LRP1B: variants seen among roughly 807,000 people sequenced by gnomAD.
The protein encoded by LRP1B is LDL receptor related protein 1B.
LRP1B carries 217 observed loss-of-function variants against 556.6 expected under a neutral mutation model. The ratio of observed to expected loss-of-function variants is 0.39; its 90% CI spans 0.35 to 0.44. LRP1B has a LOEUF of 0.44. Ranked by LOEUF, LRP1B falls within the 20% of genes least tolerant of loss-of-function variation. LRP1B has a pLI of 1.00. For synonymous variants in LRP1B, 2,047 were observed against 1,865.8 expected, an observed-to-expected ratio of 1.10 and a Z score of -2.50; for missense variants, 5,053 against 5,620.8, an observed-to-expected ratio of 0.90 and a Z score of 3.23.
rs576593298 is a variant in LRP1B at position 141,360,757 on chromosome 2, T to C, written c.344-106116A>G. Among the ~76,000 whole-genome samples, 6 of 152,316 alleles carry C rather than the reference T, an allele frequency of 3.9e-5. No individual in the cohort carries two copies. In the South Asian group the frequency reaches 1.2e-3, roughly 32 times the overall value. Reference sequence around the variant, plus strand: ...TGCAATGTCTACATACACTGTAGTATGCACATTTAAATATCACTTTCATTC... The same window carrying C: ...TGCAATGTCTACATACACTGTAGTACGCACATTTAAATATCACTTTCATTC... On this transcript the variant is annotated intron_variant, in intron 3 of 90. Transcript: ENST00000389484.
At chr2:140,444,103 T>G (rs150886007) in intron 65 of LRP1B, among the ~76,000 whole-genome samples, 6,530 of 152,278 alleles carry the variant, frequency 0.043, 234 homozygotes, top group Non-Finnish European at 0.055. Flanking sequence ...TTGTTCATGT[T>G]TGTCATAATT....
At chr2:141,340,874 A>C (rs1358696656) in intron 3 of LRP1B, among the ~76,000 whole-genome samples, 1 of 152,212 alleles carries the variant, frequency 6.6e-6, no homozygotes, top group Non-Finnish European at 1.5e-5. Context: ...AACAATCAGG[A>C]ACTTTAAAAA....
rs756363545 is a variant in LRP1B, at chr2:140,502,966, C to T, written c.8659G>A (p.Ala2887Thr). Residue 2887 changes from alanine (A) to threonine (T), a missense_variant, in exon 54 of 91, where the codon GCA becomes ACA. By Grantham distance (58) the Ala-to-Thr change is moderately conservative (BLOSUM62 0). This residue lies in a region of LRP1B where 3,619 missense variants were observed against 3,931.9 expected (regional missense o/e 0.92). Transcript: ENST00000389484. ...EAPLNPKCKS[A>T]EQSCNSSFFM... ...GGTATTGTATATATTTCTGTACCTG[C>T]ACTTTTACACTTTGGGTTTAAAGGT... 2 of 1,612,828 alleles carry T rather than the reference C, an allele frequency of 1.2e-6. No individual in the cohort carries two copies. The highest frequency in any genetic ancestry group is 1.3e-5 in the African/African-American group (1 of 74,986).
At chr2:140,492,434 G>A (rs1025262148) in intron 57 of LRP1B, among the ~76,000 whole-genome samples, 174 bp downstream of exon 57, 7 of 152,064 alleles carry the variant, frequency 4.6e-5, no homozygotes, top group African/African-American at 1.4e-4. Flanking sequence ...CACAGTTTGA[G>A]GCAAAGATAA....
At chr2:141,831,236 T>C (rs571947056) in intron 1 of LRP1B, among the ~76,000 whole-genome samples, 11 of 151,838 alleles carry the variant, frequency 7.2e-5, no homozygotes, top group African/African-American at 2.6e-4. Context: ...TAAAATAATA[T>C]GAATATACAT....
intron 3 of LRP1B, among the ~76,000 whole-genome samples, chr2:141,410,217 C>T (rs577269845): frequency 9.2e-5 from 14 of 152,114 alleles, no homozygotes; most frequent in African/African-American, 2.6e-4. Flanking sequence ...TACTATTACA[C>T]GTCTTTTTAA....
chr2:141,964,015 T>C (rs1448542863), intron 1 of LRP1B, among the ~76,000 whole-genome samples: 1 of 83,970 alleles, frequency 1.2e-5, no homozygotes, highest in East Asian at 3.9e-4. Context: ...GAGAATAAAA[T>C]ACCTAGGAAT....
chr2:140,278,443 C>T (rs1020858097), intron 84 of LRP1B, among the ~76,000 whole-genome samples: 1 of 151,928 alleles, frequency 6.6e-6, no homozygotes, highest in Non-Finnish European at 1.5e-5. Flanking sequence ...ATTTATTTCG[C>T]TAACTAGGCT....
intron 37 of LRP1B, among the ~76,000 whole-genome samples, chr2:140,713,595 G>A (rs530073221): frequency 2.6e-4 from 40 of 152,096 alleles, no homozygotes; most frequent in African/African-American, 9.4e-4. Flanking sequence ...GACTGGTTTG[G>A]AGTTCACTTG....
At chr2:141,744,932 T>C (rs987410784) in intron 2 of LRP1B, among the ~76,000 whole-genome samples, 9 of 152,216 alleles carry the variant, frequency 5.9e-5, no homozygotes, top group African/African-American at 1.9e-4. Flanking sequence ...CTGTAGTTGT[T>C]GTTGACTCGT....
chr2:141,162,886 A>AACCATATTTTTTCT (rs1680096625), intron 7 of LRP1B, among the ~76,000 whole-genome samples: 1 of 152,060 alleles, frequency 6.6e-6, no homozygotes, highest in African/African-American at 2.4e-5. Flanking sequence ...ATGGGTTTTG[A>AACCATATTTTTTCT]TTTTCCAGAT....
chr2:141,927,193 C>A (rs1700356525), intron 1 of LRP1B, among the ~76,000 whole-genome samples: 1 of 150,116 alleles, frequency 6.7e-6, no homozygotes, highest in South Asian at 2.1e-4. Flanking sequence ...AATGATGACC[C>A]ATTCCCCTAA....
At chr2:140,980,824 A>G (rs1373992507) in intron 18 of LRP1B, among the ~76,000 whole-genome samples, 1 of 152,256 alleles carries the variant, frequency 6.6e-6, no homozygotes, top group East Asian at 1.9e-4. Flanking sequence ...TGCAATTGCA[A>G]AGATACTGAA....
intron 31 of LRP1B, among the ~76,000 whole-genome samples, chr2:140,826,785 TA>T: frequency 6.6e-6 from 1 of 152,162 alleles, no homozygotes. Context: ...TGAGGGCCTG[TA>T]GGGAGAAAAC....
At chr2:141,311,847 C>T (rs927731879) in intron 3 of LRP1B, among the ~76,000 whole-genome samples, 2 of 152,044 alleles carry the variant, frequency 1.3e-5, no homozygotes, top group African/African-American at 4.8e-5. Context: ...CAACAGAAAA[C>T]AGATTTATGC....
At chr2:141,469,760 T>C (rs1210121827) in intron 3 of LRP1B, among the ~76,000 whole-genome samples, 1 of 152,184 alleles carries the variant, frequency 6.6e-6, no homozygotes. Context: ...GTCTTCTAAA[T>C]ATTTATGGTT....
chr2:141,043,848 T>C (rs1306564959), intron 11 of LRP1B, among the ~76,000 whole-genome samples: 2 of 151,942 alleles, frequency 1.3e-5, no homozygotes, highest in Non-Finnish European at 2.9e-5. Flanking sequence ...TAAAAATGAA[T>C]TCAGTCTTAA....
At chr2:141,107,196 A>G (rs1316629607) in intron 7 of LRP1B, among the ~76,000 whole-genome samples, 2 of 152,198 alleles carry the variant, frequency 1.3e-5, no homozygotes, top group African/African-American at 4.8e-5. Flanking sequence ...GACTTAGTAA[A>G]TAATAGCATA....
chr2:140,512,901 A>G (rs2104926467), intron 51 of LRP1B, among the ~76,000 whole-genome samples: 1 of 152,272 alleles, frequency 6.6e-6, no homozygotes, highest in African/African-American at 2.4e-5. Flanking sequence ...TGATTGGTCT[A>G]AAGCAGTATT....
Sources: gnomAD v4.1 joint callset for allele counts (sites outside exome capture counted in the v4.1 genomes callset) on GRCh38, gnomAD v4.1.1 for gene constraint, gnomAD v4.1.1 regional missense constraint, MANE v1.5 for transcripts, NCBI Gene and HGNC (gene_info 2026-07-23, HGNC 2026-07-21) for gene names.